The following ARAP2 variants were observed in gnomAD, a reference collection of about 807,000 sequenced individuals.
ARAP2 encodes ArfGAP with RhoGAP domain, ankyrin repeat and PH domain 2.
A neutral mutation model predicts 194.5 loss-of-function variants in ARAP2; 148 were observed. The ratio of observed to expected loss-of-function variants is 0.76; its 90% CI spans 0.67 to 0.87. ARAP2 has a LOEUF of 0.87. ARAP2 is among the 40% of genes least tolerant of loss of function. The pLI is 0.00. For missense variants in ARAP2, 2,128 were observed against 1,989.7 expected (o/e 1.07, Z -1.32); for synonymous variants, 695 against 683.5 (o/e 1.02, Z -0.26).
intron 19 of ARAP2, among the ~76,000 whole-genome samples, chr4:36,136,501 T>A (rs1261194846): frequency 1.3e-5 from 2 of 151,760 alleles, no homozygotes; most frequent in Admixed American, 6.6e-5. Context: ...ACAATCATAT[T>A]TGAGCCTAGT....
intron 11 of ARAP2, 125 bp downstream of exon 11, chr4:36,164,789 G>A: frequency 1.1e-6 from 1 of 906,770 alleles, no homozygotes; most frequent in Non-Finnish European, 1.7e-6. Flanking sequence ...TGATTTAAAT[G>A]TAATAAGCTT....
intron 6 of ARAP2, 75 bp from the exon 7 acceptor site, chr4:36,193,722 AC>A: frequency 9.1e-7 from 1 of 1,096,804 alleles, no homozygotes. Context: ...TTGTAATGTA[AC>A]CGTGTAAATA....
At chr4:36,207,411 G>C (rs1252482856) in intron 6 of ARAP2, among the ~76,000 whole-genome samples, 5 of 152,118 alleles carry the variant, frequency 3.3e-5, no homozygotes, top group Non-Finnish European at 7.4e-5. Context: ...ACTAGTTTTA[G>C]GGATGTTATA....
intron 32 of ARAP2, among the ~76,000 whole-genome samples, chr4:36,071,393 C>T: frequency 6.6e-6 from 1 of 152,162 alleles, no homozygotes; most frequent in Non-Finnish European, 1.5e-5. Flanking sequence ...GTGCATTCTT[C>T]AGCATTCTGT....
chr4:36,044,928 G>A (rs780334227), intron 5 of ARAP2, among the ~76,000 whole-genome samples: 24 of 151,378 alleles, frequency 1.6e-4, no homozygotes, highest in South Asian at 4.2e-4. Context: ...TAGAAATGGC[G>A]AACAATAATA....
intron 2 of ARAP2, among the ~76,000 whole-genome samples, chr4:36,054,183 C>A (rs984382783): frequency 3.3e-5 from 5 of 152,174 alleles, no homozygotes; most frequent in African/African-American, 1.2e-4. Flanking sequence ...GAGTTTTTAT[C>A]CCCAAGAACA....
intron 6 of ARAP2, among the ~76,000 whole-genome samples, chr4:36,017,638 G>C (rs1716106865): frequency 7.1e-6 from 1 of 141,660 alleles, no homozygotes; most frequent in South Asian, 2.3e-4. Flanking sequence ...CAATGGTCTT[G>C]GGGAGAAATG....
chr4:36,044,395 G>C (rs1721460893), intron 5 of ARAP2, among the ~76,000 whole-genome samples: 1 of 152,178 alleles, frequency 6.6e-6, no homozygotes, highest in African/African-American at 2.4e-5. Flanking sequence ...GGTAGCAGCA[G>C]TAGAATATGG....
rs751127896 is a variant in ARAP2, at chr4:36,164,971, G to C, written c.2116C>G (p.Pro706Ala). The C allele has an allele frequency of 1.9e-6, 3 of 1,614,056 alleles. No individual in the cohort carries two copies. The highest frequency in any genetic ancestry group is 4.5e-5 in the East Asian group (2 of 44,878). Residue 706 changes from proline (P) to alanine (A), a missense_variant, in exon 11 of 33, where the codon CCA becomes GCA. Transcript: ENST00000303965. ...TTGATGGATGCCCAGTCAGGATCTG[G>C]GGCTTTACAATCTGCACAGCTCCTG... The part of the protein sequence containing the change: ...SNRSCADCKA[P>A]DPDWASINLC...
chr4:36,129,605 T>A (rs1362733698), intron 20 of ARAP2, among the ~76,000 whole-genome samples: 1 of 151,814 alleles, frequency 6.6e-6, no homozygotes, highest in African/African-American at 2.4e-5. Flanking sequence ...TAATTTCATA[T>A]CTCTTTTTTC....
chr4:36,071,857 C>T (rs1049995100), intron 32 of ARAP2, among the ~76,000 whole-genome samples: 28 of 151,800 alleles, frequency 1.8e-4, no homozygotes, highest in Admixed American at 4.6e-4. Context: ...CCGCTCCCCC[C>T]ACCCCAACAC....
chr4:36,007,573 C>A (rs1713560978), intron 9 of ARAP2, among the ~76,000 whole-genome samples: 1 of 152,004 alleles, frequency 6.6e-6, no homozygotes, highest in African/African-American at 2.4e-5. Flanking sequence ...GACTTCTTAC[C>A]CCGCGAAGTA....
At chr4:36,084,385 T>C (rs1205300281) in intron 28 of ARAP2, among the ~76,000 whole-genome samples, 1 of 152,130 alleles carries the variant, frequency 6.6e-6, no homozygotes, top group Non-Finnish European at 1.5e-5. Context: ...TCAAAGATAT[T>C]CATATTTTCA....
intron 6 of ARAP2, among the ~76,000 whole-genome samples, chr4:36,205,471 A>T (rs1745350307): frequency 6.6e-6 from 1 of 152,188 alleles, no homozygotes; most frequent in Admixed American, 6.5e-5. Flanking sequence ...CTTTTATAAC[A>T]ATCAAAAAAA....
At chr4:36,122,757 G>C (rs1293094612) in intron 22 of ARAP2, among the ~76,000 whole-genome samples, 1 of 150,742 alleles carries the variant, frequency 6.6e-6, no homozygotes, top group Non-Finnish European at 1.5e-5. Flanking sequence ...GAACTTAAAA[G>C]TTTACAAAAA....
intron 27 of ARAP2, among the ~76,000 whole-genome samples, chr4:36,095,584 A>G (rs1389431128): frequency 6.6e-6 from 1 of 152,180 alleles, no homozygotes; most frequent in Non-Finnish European, 1.5e-5. Context: ...TGCATAAAAA[A>G]GGGTAGCTCC....
chr4:36,139,848 A>G (rs1318623356), intron 19 of ARAP2, among the ~76,000 whole-genome samples: 2 of 151,602 alleles, frequency 1.3e-5, no homozygotes, highest in South Asian at 2.1e-4. Flanking sequence ...TTACTCTGCA[A>G]TCCTTTCCAG....
intron 11 of ARAP2, among the ~76,000 whole-genome samples, chr4:36,162,370 T>C (rs1301095925): frequency 6.6e-6 from 1 of 152,200 alleles, no homozygotes; most frequent in Non-Finnish European, 1.5e-5. Flanking sequence ...ATGAATACTT[T>C]ATTCAGCAAA....
intron 6 of ARAP2, among the ~76,000 whole-genome samples, chr4:36,017,564 T>TTAAAA (rs1553863575): frequency 2.1e-4 from 9 of 42,572 alleles, no homozygotes; most frequent in Admixed American, 9.0e-4. Flanking sequence ...AAGAAAGTGG[T>TTAAAA]AAAAAAAAAA....
Sources: allele counts gnomAD v4.1 joint callset (sites outside exome capture counted in the v4.1 genomes callset), GRCh38; gene constraint gnomAD v4.1.1; transcripts MANE v1.5; gene names NCBI Gene and HGNC (gene_info 2026-07-23, HGNC 2026-07-21).